Variants in C12orf42 observed in about 807,000 individuals in gnomAD.
The protein encoded by C12orf42 is uncharacterized protein C12orf42.
C12orf42 carries 25 observed loss-of-function variants against 21.6 expected under a neutral mutation model. The observed-to-expected ratio is 1.16, with a 90% confidence interval of 0.84 to 1.62. C12orf42 has a LOEUF of 1.62. Ranked by LOEUF, C12orf42 falls within the 40% of genes most tolerant of loss-of-function variation. C12orf42 has a pLI of 0.00. For synonymous variants in C12orf42, 174 were observed against 175.0 expected, an observed-to-expected ratio of 0.99 and a Z score of 0.05; for missense variants, 483 against 459.3, an observed-to-expected ratio of 1.05 and a Z score of -0.47.
chr12:103,351,359 G>T (rs895609261), intron 4 of C12orf42, among the ~76,000 whole-genome samples: 1 of 151,776 alleles, frequency 6.6e-6, no homozygotes, highest in Non-Finnish European at 1.5e-5. Context: ...TTCCCTTTTC[G>T]GTCTGTAAAT....
chr12:103,115,956 A>G, the C12orf42 span, among the ~76,000 whole-genome samples: 17 of 152,312 alleles, frequency 1.1e-4, no homozygotes, highest in Middle Eastern at 3.4e-3. Flanking sequence ...TTGTGAAACA[A>G]TGGATCGATA....
chr12:103,301,933 G>C, downstream of C12orf42: 1 of 705,712 alleles, frequency 1.4e-6, no homozygotes, highest in Non-Finnish European at 2.3e-6. Flanking sequence ...GCTTCAAAAG[G>C]AACATTTTTG....
At chr12:103,463,206 A>C (rs1952860476) in intron 2 of C12orf42, among the ~76,000 whole-genome samples, 1 of 152,154 alleles carries the variant, frequency 6.6e-6, no homozygotes, top group African/African-American at 2.4e-5. Flanking sequence ...AGACTAATTG[A>C]GGGGTTAAGG....
intron 4 of C12orf42, among the ~76,000 whole-genome samples, chr12:103,308,044 A>G (rs2038549489): frequency 6.6e-6 from 1 of 152,038 alleles, no homozygotes; most frequent in Non-Finnish European, 1.5e-5. Flanking sequence ...TCTACAAAAT[A>G]CTAGTTGTGT....
At chr12:103,535,034 GAAA>G in the C12orf42 span, among the ~76,000 whole-genome samples, 1 of 152,160 alleles carries the variant, frequency 6.6e-6, no homozygotes, top group Non-Finnish European at 1.5e-5. Context: ...ATCAGGGCAG[GAAA>G]GCAGTGATAC....
At chr12:103,401,811 G>A (rs1017504001) in intron 2 of C12orf42, 136 bp from the exon 3 acceptor site, 132 of 781,558 alleles carry the variant, frequency 1.7e-4, no homozygotes, top group Middle Eastern at 2.6e-4. Context: ...CTGAGTACCC[G>A]ATATTGCCCA....
At chr12:103,143,663 G>A in the C12orf42 span, among the ~76,000 whole-genome samples, 542 of 152,350 alleles carry the variant, frequency 3.6e-3, 3 homozygotes, top group Middle Eastern at 6.8e-3. Flanking sequence ...TCCAAAGGCT[G>A]CATAGTTCTA....
the C12orf42 span, among the ~76,000 whole-genome samples, chr12:103,141,035 T>C: frequency 6.6e-6 from 1 of 152,182 alleles, no homozygotes; most frequent in East Asian, 1.9e-4. Context: ...ACCTTCAGCA[T>C]AAGGTGAAAG....
the C12orf42 span, among the ~76,000 whole-genome samples, chr12:103,187,699 A>T: frequency 1.3e-5 from 2 of 151,944 alleles, no homozygotes; most frequent in African/African-American, 2.4e-5. Context: ...GTCCTAAGTT[A>T]AAAAAAAGGC....
chr12:103,401,682 C>T lies in C12orf42; in HGVS notation c.79-7G>A, dbSNP rs762332454. On this transcript the variant is annotated splice_region_variant and splice_polypyrimidine_tract_variant and intron_variant, in intron 2 of 5. Coordinates refer to ENST00000548883, the MANE Select transcript of C12orf42 (RefSeq NM_198521.5). ...GAATATAGCAAGGGGATTTCTGAAA[C>T]ATTAGAAACAAGGCATTTAGTATCA... The T allele has an allele frequency of 6.2e-7, 1 of 1,611,560 alleles. No homozygotes were observed. Among genetic ancestry groups the T allele is most frequent in the African/African-American group, 1.3e-5 (1 of 74,858 alleles).
the C12orf42 span, among the ~76,000 whole-genome samples, chr12:103,208,281 C>G: frequency 6.6e-6 from 1 of 152,178 alleles, no homozygotes; most frequent in Non-Finnish European, 1.5e-5. Flanking sequence ...ACACTAATAC[C>G]AAGCCACTAG....
the C12orf42 span, among the ~76,000 whole-genome samples, chr12:103,206,498 T>C: frequency 6.7e-6 from 1 of 148,280 alleles, no homozygotes. Flanking sequence ...AATACATTAA[T>C]CTTTTTTGGA....
At chr12:103,183,784 T>C in the C12orf42 span, among the ~76,000 whole-genome samples, 2 of 152,336 alleles carry the variant, frequency 1.3e-5, no homozygotes, top group East Asian at 1.9e-4. Context: ...TTTAGCTCTA[T>C]GTATATTTTT....
the C12orf42 span, among the ~76,000 whole-genome samples, chr12:103,134,687 A>G: frequency 6.6e-6 from 1 of 152,142 alleles, no homozygotes; most frequent in Admixed American, 6.5e-5. Flanking sequence ...GCATTAGAAA[A>G]CCTATTTAAG....
At chr12:103,426,490 G>A (rs1462597315) in intron 2 of C12orf42, among the ~76,000 whole-genome samples, 1 of 152,208 alleles carries the variant, frequency 6.6e-6, no homozygotes, top group Non-Finnish European at 1.5e-5. Flanking sequence ...TTTGACTGGT[G>A]TACCTGAAAG....
At chr12:103,402,612 AG>A (rs1375229230) in intron 2 of C12orf42, among the ~76,000 whole-genome samples, 1 of 152,226 alleles carries the variant, frequency 6.6e-6, no homozygotes, top group African/African-American at 2.4e-5. Context: ...AGTCTAAAGC[AG>A]GAGGTAGTAA....
chr12:103,143,117 A>G, the C12orf42 span, among the ~76,000 whole-genome samples: 24 of 152,226 alleles, frequency 1.6e-4, no homozygotes, highest in Admixed American at 1.6e-3. Flanking sequence ...GGGAATAACT[A>G]GAAAGGGGAA....
At chr12:103,076,608 ATGT>A in the C12orf42 span, among the ~76,000 whole-genome samples, 3 of 152,190 alleles carry the variant, frequency 2.0e-5, no homozygotes, top group African/African-American at 4.8e-5. Flanking sequence ...TTGAAGGATG[ATGT>A]TGATGAAAGC....
chr12:103,507,126 T>TA, the C12orf42 span, among the ~76,000 whole-genome samples: 7 of 18,872 alleles, frequency 3.7e-4, 1 homozygote, highest in African/African-American at 4.6e-4. Context: ...TATTTATATA[T>TA]AATATATATT....
Sources: allele counts gnomAD v4.1 joint callset (sites outside exome capture counted in the v4.1 genomes callset), GRCh38; gene constraint gnomAD v4.1.1; transcripts MANE v1.5; gene names NCBI Gene and HGNC (gene_info 2026-07-23, HGNC 2026-07-21).